DCDC1: variants seen among roughly 807,000 people sequenced by gnomAD.
The protein encoded by DCDC1 is doublecortin domain-containing protein 1.
Under a neutral mutation model 178.3 loss-of-function variants are expected in DCDC1, and 200 were observed. That is an observed-to-expected ratio of 1.12 (90% CI 1.00 to 1.26). DCDC1 has a LOEUF of 1.26. Among genes scored for constraint, DCDC1 ranks in the 50% most tolerant of loss-of-function variants. DCDC1 has a pLI of 0.00. For missense variants in DCDC1, 1,983 were observed against 1,749.2 expected (o/e 1.13, Z -2.38); for synonymous variants, 690 against 604.8 (o/e 1.14, Z -2.07).
chr11:31,085,466 T>TTA (rs1481371831), intron 17 of DCDC1, among the ~76,000 whole-genome samples: 1 of 152,114 alleles, frequency 6.6e-6, no homozygotes, highest in Non-Finnish European at 1.5e-5. Context: ...ATTTTCTAAA[T>TTA]TATATATATA....
At chr11:31,153,785 A>AACAC (rs141063677) in intron 9 of DCDC1, among the ~76,000 whole-genome samples, 2,188 of 132,666 alleles carry the variant, frequency 0.016, 62 homozygotes, top group African/African-American at 0.049. Context: ...TCAGTCTTAA[A>AACAC]ACACACACAC....
intron 1 of DCDC1, among the ~76,000 whole-genome samples, chr11:31,366,987 G>A (rs1951995441): frequency 6.6e-6 from 1 of 152,162 alleles, no homozygotes. Flanking sequence ...CTTGAGGAAG[G>A]AACTGAGATA....
At chr11:31,269,525 A>G (rs1032310690) in intron 7 of DCDC1, among the ~76,000 whole-genome samples, 3 of 151,930 alleles carry the variant, frequency 2.0e-5, no homozygotes, top group Admixed American at 6.6e-5. Context: ...AGGTGAGACA[A>G]CAGGTGTACC....
In DCDC1 at chr11:31,329,442, T is replaced by A. The variant is rs184754526; in HGVS notation, c.-6-1156A>T. ...AAGTTCCAGGGTACATACATGTGCA[T>A]AACGTGCAGGATTGTTACATATGTA... On this transcript the variant is annotated intron_variant, in intron 2 of 38. Coordinates refer to ENST00000684477, the MANE Select transcript of DCDC1 (RefSeq NM_001387274.1). Among the ~76,000 whole-genome samples, 40 of 152,274 alleles carry A rather than the reference T, an allele frequency of 2.6e-4. No homozygotes were observed. The East Asian group carries it at 6.2e-3, about 24-fold the overall frequency.
chr11:31,199,976 T>C lies in DCDC1; in HGVS notation c.1221+41474A>G, dbSNP rs541325543. On this transcript the variant is annotated intron_variant, in intron 9 of 38. Coordinates refer to ENST00000684477, the MANE Select transcript of DCDC1 (RefSeq NM_001387274.1). ...AATGACTACTTTTATATAGAGTTGA[T>C]CATAGATATATAGTTGATCAATGTT... 2.0e-5 allele frequency among the ~76,000 whole-genome samples: 3 copies of C among 152,244 alleles called. No homozygotes were observed. In the South Asian group the frequency reaches 6.2e-4, roughly 32 times the overall value.
intron 1 of DCDC1, among the ~76,000 whole-genome samples, chr11:31,350,371 G>C (rs1387030433): frequency 6.6e-6 from 1 of 151,730 alleles, no homozygotes; most frequent in Non-Finnish European, 1.5e-5. Context: ...GTTCTACTTA[G>C]GAAAACATTT....
intron 20 of DCDC1, among the ~76,000 whole-genome samples, chr11:31,009,896 G>A (rs1437497842): frequency 2.0e-5 from 3 of 152,226 alleles, no homozygotes; most frequent in East Asian, 3.9e-4. Context: ...TTCACAAGGC[G>A]GCAGGACTGA....
At chr11:30,953,748 G>T (rs1948574656) in intron 20 of DCDC1, among the ~76,000 whole-genome samples, 1 of 152,012 alleles carries the variant, frequency 6.6e-6, no homozygotes, top group Admixed American at 6.6e-5. Context: ...AAACTCAAAA[G>T]ATTTGAAAGT....
At chr11:30,914,653 A>G (rs1051870155) in intron 27 of DCDC1, among the ~76,000 whole-genome samples, 1 of 134,844 alleles carries the variant, frequency 7.4e-6, no homozygotes, top group Non-Finnish European at 1.6e-5. Context: ...AAAAAAAAAA[A>G]GAGAGAGAGA....
chr11:31,098,220 T>C (rs1958278548), intron 15 of DCDC1, among the ~76,000 whole-genome samples: 1 of 152,244 alleles, frequency 6.6e-6, no homozygotes, highest in African/African-American at 2.4e-5. Flanking sequence ...TCTCATTTGA[T>C]ATTAACTACC....
In DCDC1 at chr11:31,030,853, A is replaced by C. The variant is rs577063655; in HGVS notation, c.2591+33616T>G. Among the ~76,000 whole-genome samples, 6 of 115,062 alleles carry C rather than the reference A, an allele frequency of 5.2e-5. No homozygotes were observed. The South Asian group carries it at 1.6e-3, about 31-fold the overall frequency. 75.5% of individuals were successfully genotyped at this position (115,062 alleles called of 152,430 possible). On this transcript the variant is annotated intron_variant, in intron 20 of 38. Transcript: ENST00000684477. ...TAACATAGAGAATTGTATATTTCCC[A>C]GGGCAAGAAAAAAAAAAACCACTAA...
At chr11:30,894,202 A>C in intron 35 of DCDC1, 46 bp downstream of exon 35, 3 of 1,583,326 alleles carry the variant, frequency 1.9e-6, no homozygotes, top group Non-Finnish European at 2.6e-6. Flanking sequence ...TTAAATACTC[A>C]TAAAAAGGGC....
intron 9 of DCDC1, among the ~76,000 whole-genome samples, chr11:31,174,813 A>G (rs1447585859): frequency 6.6e-6 from 1 of 151,932 alleles, no homozygotes; most frequent in African/African-American, 2.4e-5. Flanking sequence ...ACTCATCAGG[A>G]CACCCTGGCT....
chr11:31,337,644 G>A (rs886134389), intron 1 of DCDC1, among the ~76,000 whole-genome samples: 1 of 145,164 alleles, frequency 6.9e-6, no homozygotes, highest in Admixed American at 7.1e-5. Context: ...CTGCCTGGGT[G>A]AGTGAGACCC....
At chr11:31,022,179 G>A (rs543688565) in intron 20 of DCDC1, among the ~76,000 whole-genome samples, 66 of 152,246 alleles carry the variant, frequency 4.3e-4, no homozygotes, top group African/African-American at 1.5e-3. Flanking sequence ...CAAAATCAAC[G>A]TGCCAGCAAG....
At chr11:30,943,106 C>T (rs928798761) in intron 21 of DCDC1, 3 of 152,072 alleles carry the variant, frequency 2.0e-5, no homozygotes, top group Non-Finnish European at 4.4e-5. Context: ...TTGGTTTTCT[C>T]TGTGTTCACA....
At position 31,306,458 on chromosome 11, in the gene DCDC1, T is replaced by C; in HGVS notation, c.435-70A>G. 3.4e-6 allele frequency: 5 copies of C among 1,450,382 alleles called. No homozygotes were observed. The African/African-American group carries it at 7.3e-5, about 21-fold the overall frequency. 89.8% of individuals were successfully genotyped at this position (1,450,382 alleles called of 1,614,324 possible). On this transcript the variant is annotated intron_variant, in intron 4 of 38. Transcript: ENST00000684477. Reference sequence around the variant, plus strand: ...GAAAGCTTTTAAATAAATATTATCCTGGATTTTTTTAAACAGATATAAGCA... The same window carrying C: ...GAAAGCTTTTAAATAAATATTATCCCGGATTTTTTTAAACAGATATAAGCA...
At chr11:31,270,017 A>G (rs1945443954) in intron 7 of DCDC1, among the ~76,000 whole-genome samples, 1 of 152,194 alleles carries the variant, frequency 6.6e-6, no homozygotes, top group South Asian at 2.1e-4. Context: ...CCTCAGACAG[A>G]GAACCTTGAA....
At chr11:31,134,979 G>C (rs187386505) in intron 10 of DCDC1, among the ~76,000 whole-genome samples, 1 of 152,250 alleles carries the variant, frequency 6.6e-6, no homozygotes, top group East Asian at 1.9e-4. Context: ...CTAGGTAACA[G>C]AGAGAGAGCC....
Sources: gnomAD v4.1 joint callset for allele counts (sites outside exome capture counted in the v4.1 genomes callset) on GRCh38, gnomAD v4.1.1 for gene constraint, MANE v1.5 for transcripts, NCBI Gene and HGNC (gene_info 2026-07-23, HGNC 2026-07-21) for gene names.